Variants in TET2 observed in about 807,000 individuals in gnomAD.
TET2 encodes the protein methylcytosine dioxygenase TET2.
Under a neutral mutation model 142.9 loss-of-function variants are expected in TET2, and 299 were observed. That is an observed-to-expected ratio of 2.09 (90% CI 1.90 to 2.30). The LOEUF (loss-of-function observed/expected upper bound fraction) is 2.30, where lower values mean the gene tolerates loss of function less well. Ranked by LOEUF, TET2 falls within the 30% of genes most tolerant of loss-of-function variation. The pLI, the probability that TET2 is intolerant of heterozygous loss-of-function variation, is 0.00. For synonymous variants in TET2, 819 were observed against 849.0 expected (o/e 0.96, Z 0.61); for missense variants, 2,418 against 2,378.0 (o/e 1.02, Z -0.35).
intron 1 of TET2, among the ~76,000 whole-genome samples, chr4:105,181,737 T>G (rs554116767): frequency 6.6e-6 from 1 of 152,340 alleles, no homozygotes; most frequent in African/African-American, 2.4e-5. Flanking sequence ...AAATCGAAGA[T>G]GTGAAAATCC....
At chr4:105,232,362 A>G (rs894347670) in intron 2 of TET2, among the ~76,000 whole-genome samples, 29 of 152,192 alleles carry the variant, frequency 1.9e-4, no homozygotes, top group African/African-American at 6.3e-4. Flanking sequence ...AATGATTTAT[A>G]TCCCTTTGGG....
At chr4:105,229,111 A>G (rs1041007943) in intron 2 of TET2, among the ~76,000 whole-genome samples, 3 of 152,198 alleles carry the variant, frequency 2.0e-5, no homozygotes, top group Non-Finnish European at 4.4e-5. Context: ...TGTTTTTTTA[A>G]CACTAAATCT....
At chr4:105,254,002 C>T (rs1396287033) in intron 6 of TET2, among the ~76,000 whole-genome samples, 2 of 152,128 alleles carry the variant, frequency 1.3e-5, no homozygotes, top group Non-Finnish European at 2.9e-5. Flanking sequence ...ACTAGACTGG[C>T]ATACCTGGAG....
chr4:105,259,587 A>C lies in TET2; in HGVS notation c.3804-32A>C, dbSNP rs912020198. 4.7e-5 allele frequency: 73 copies of C among 1,548,500 alleles called. No individual in the cohort carries two copies. In the Admixed American group the frequency reaches 1.4e-3, roughly 30 times the overall value. The stretch of plus-strand genomic sequence containing the variant: ...CTGCACAGCCTATATAATGCTATCC[A>C]TAGCAATGAATTTGGTCTTTTGATT... On this transcript the variant is annotated intron_variant, in intron 6 of 10. Coordinates refer to ENST00000380013, the MANE Select transcript of TET2 (RefSeq NM_001127208.3).
chr4:105,260,236 CTG>C (rs1445496253), intron 7 of TET2, among the ~76,000 whole-genome samples: 2 of 148,044 alleles, frequency 1.4e-5, no homozygotes, highest in African/African-American at 2.6e-5. Flanking sequence ...TAATATAACT[CTG>C]TAATGGAAAT....
intron 8 of TET2, among the ~76,000 whole-genome samples, chr4:105,268,570 G>GACTTGGAATAGTCAAATAAT (rs1730803105): frequency 6.6e-6 from 1 of 152,152 alleles, no homozygotes; most frequent in Non-Finnish European, 1.5e-5. Flanking sequence ...AAATGCAAAG[G>GACTTGGAATAGTCAAATAAT]ACTTGGAATA....
At chr4:105,205,604 A>T (rs1726768196) in intron 2 of TET2, among the ~76,000 whole-genome samples, 1 of 151,982 alleles carries the variant, frequency 6.6e-6, no homozygotes, top group African/African-American at 2.4e-5. Context: ...TTATAATATA[A>T]TTTTCTCAGA....
intron 1 of TET2, among the ~76,000 whole-genome samples, chr4:105,162,930 A>G (rs952862874): frequency 6.6e-6 from 1 of 152,188 alleles, no homozygotes; most frequent in African/African-American, 2.4e-5. Context: ...GGTGAGAAGT[A>G]ATTTTGGGAA....
At chr4:105,188,950 G>C (rs749351497) in intron 1 of TET2, among the ~76,000 whole-genome samples, 5 of 152,110 alleles carry the variant, frequency 3.3e-5, no homozygotes, top group Non-Finnish European at 5.9e-5. Flanking sequence ...AATGATAGGT[G>C]AGAGTGGCAT....
At chr4:105,268,407 G>A (rs1730794923) in intron 8 of TET2, among the ~76,000 whole-genome samples, 1 of 152,072 alleles carries the variant, frequency 6.6e-6, no homozygotes, top group Admixed American at 6.5e-5. Flanking sequence ...AGTAACTGGA[G>A]AGATACACTA....
intron 4 of TET2, 171 bp from the exon 5 acceptor site, chr4:105,242,663 A>C: frequency 7.3e-7 from 1 of 1,362,164 alleles, no homozygotes; most frequent in Non-Finnish European, 9.5e-7. Flanking sequence ...ACAAGGCTTA[A>C]AAACCATTAT....
In TET2 at chr4:105,275,981, G is replaced by T; in HGVS notation, c.5471G>T (p.Gly1824Val). 6.4e-7 allele frequency: 1 copy of T among 1,551,714 alleles called. No individual in the cohort carries two copies. Among genetic ancestry groups the T allele is most frequent in the African/African-American group, 1.4e-5 (1 of 73,158 alleles). Residue 1824 changes from glycine to valine, a missense_variant, in exon 11 of 11, where the codon GGT (glycine) becomes GTT (valine). Transcript: ENST00000380013. Reference sequence around the variant, plus strand: ...TTACACAAATTAAGTGATGCTAATGGTCAGGAAAAGCAGCCATTGGCACTA... The same window carrying T: ...TTACACAAATTAAGTGATGCTAATGTTCAGGAAAAGCAGCCATTGGCACTA... Reference protein sequence around the residue: ...GGLHKLSDANGQEKQPLALVQ... With the variant: ...GGLHKLSDANVQEKQPLALVQ...
intron 2 of TET2, among the ~76,000 whole-genome samples, chr4:105,214,093 C>T (rs1460500123): frequency 1.3e-5 from 2 of 152,078 alleles, no homozygotes; most frequent in African/African-American, 2.4e-5. Flanking sequence ...TCAAGTGATC[C>T]ACCTGCCTTG....
intron 2 of TET2, among the ~76,000 whole-genome samples, chr4:105,231,051 A>G (rs984837198): frequency 2.0e-5 from 3 of 152,058 alleles, no homozygotes; most frequent in Non-Finnish European, 4.4e-5. Flanking sequence ...GTTTGGGTCT[A>G]TTTTTGAACA....
At position 105,180,155 on chromosome 4, in the gene TET2, A is replaced by C. The variant is rs1725032640; in HGVS notation, c.-192-10205A>C. ...AGCCTTCACTTTGTTTCTCATCCAA[A>C]ATCAATGACAAAACTTTCAGTATTG... On this transcript the variant is annotated intron_variant, in intron 1 of 10. Coordinates refer to ENST00000380013, the MANE Select transcript of TET2 (RefSeq NM_001127208.3). Among the ~76,000 whole-genome samples, 3 of 152,158 alleles carry C rather than the reference A, an allele frequency of 2.0e-5. No homozygotes were observed. In the South Asian group the frequency reaches 6.2e-4, roughly 32 times the overall value.
chr4:105,224,724 C>A (rs965443217), intron 2 of TET2, among the ~76,000 whole-genome samples: 10 of 150,046 alleles, frequency 6.7e-5, no homozygotes, highest in Non-Finnish European at 1.2e-4. Flanking sequence ...CTCTCTCTCT[C>A]TCTGTCTCGT....
chr4:105,170,788 T>C (rs200432349), intron 1 of TET2, among the ~76,000 whole-genome samples: 64 of 152,330 alleles, frequency 4.2e-4, no homozygotes, highest in East Asian at 3.9e-3. Context: ...TAAAAGGCTG[T>C]TGCGGCTACC....
At chr4:105,153,018 T>TA (rs1723385447) in intron 1 of TET2, among the ~76,000 whole-genome samples, 1 of 152,220 alleles carries the variant, frequency 6.6e-6, no homozygotes, top group Admixed American at 6.5e-5. Flanking sequence ...AATTGCCCTA[T>TA]AAAAGCCACC....
In TET2 at chr4:105,178,579, A is replaced by G. The variant is rs75905800; in HGVS notation, c.-192-11781A>G. On this transcript the variant is annotated intron_variant, in intron 1 of 10. Coordinates refer to ENST00000380013, the MANE Select transcript of TET2 (RefSeq NM_001127208.3). ...TGTAAACTATGGGGTTTGGGTATCA[A>G]AATGCATCAATGTAGGTTTATCAGT... Among the ~76,000 whole-genome samples the G allele has an allele frequency of 3.5e-4, 54 of 152,308 alleles. 1 individual carries two copies. The East Asian group carries it at 0.01, about 29-fold the overall frequency.
Sources: gnomAD v4.1 joint callset for allele counts (sites outside exome capture counted in the v4.1 genomes callset) on GRCh38, gnomAD v4.1.1 for gene constraint, MANE v1.5 for transcripts, NCBI Gene and HGNC (gene_info 2026-07-23, HGNC 2026-07-21) for gene names.